CPED1: variants seen among roughly 807,000 people sequenced by gnomAD.
CPED1 encodes the protein cadherin like and PC-esterase domain containing 1.
A neutral mutation model predicts 128.2 loss-of-function variants in CPED1; 114 were observed. That is an observed-to-expected ratio of 0.89 (90% confidence interval 0.76 to 1.04). The LOEUF is 1.04. Among genes scored for constraint, CPED1 ranks in the 50% least tolerant of loss-of-function variants. The pLI, the probability that CPED1 is intolerant of heterozygous loss-of-function variation, is 0.00. For missense variants in CPED1, 1,211 were observed against 1,207.1 expected (o/e 1.00, Z -0.05); for synonymous variants, 462 against 426.7 (o/e 1.08, Z -1.02).
At chr7:121,085,536 T>C (rs1228524134) in intron 5 of CPED1, among the ~76,000 whole-genome samples, 1 of 152,184 alleles carries the variant, frequency 6.6e-6, no homozygotes, top group East Asian at 1.9e-4. Flanking sequence ...AAGTGGAGCC[T>C]GTGGAATACA....
chr7:121,075,603 C>T (rs1794104273), intron 5 of CPED1, among the ~76,000 whole-genome samples: 1 of 152,064 alleles, frequency 6.6e-6, no homozygotes, highest in Admixed American at 6.6e-5. Context: ...GCTGGGATTA[C>T]AGGCATGTGC....
chr7:121,092,378 TG>T (rs554409759), intron 5 of CPED1, among the ~76,000 whole-genome samples: 16 of 152,200 alleles, frequency 1.1e-4, no homozygotes, highest in Admixed American at 2.0e-4. Context: ...TCTGGTTATT[TG>T]GGTAAGAAGA....
chr7:121,151,343 G>A (rs546765940), intron 16 of CPED1, among the ~76,000 whole-genome samples: 1 of 152,256 alleles, frequency 6.6e-6, no homozygotes, highest in South Asian at 2.1e-4. Context: ...TACTAGCAGT[G>A]ACACACATAA....
intron 16 of CPED1, among the ~76,000 whole-genome samples, chr7:121,146,751 T>C (rs1563044876): frequency 6.6e-6 from 1 of 152,208 alleles, no homozygotes; most frequent in Admixed American, 6.6e-5. Flanking sequence ...GCCTGTATTT[T>C]AGTTATTTTT....
chr7:121,242,120 C>CCAA (rs921254639), intron 17 of CPED1, among the ~76,000 whole-genome samples: 9 of 152,140 alleles, frequency 5.9e-5, no homozygotes, highest in African/African-American at 1.9e-4. Flanking sequence ...CTCCAAAGCC[C>CCAA]CAACTCTTTA....
chr7:121,179,682 T>C (rs944202521), intron 16 of CPED1, among the ~76,000 whole-genome samples: 1 of 152,108 alleles, frequency 6.6e-6, no homozygotes, highest in Admixed American at 6.6e-5. Flanking sequence ...AACAGCTCAA[T>C]GGTAATGACT....
intron 18 of CPED1, among the ~76,000 whole-genome samples, chr7:121,252,334 C>A (rs1339992607): frequency 3.9e-5 from 6 of 152,000 alleles, no homozygotes; most frequent in African/African-American, 1.2e-4. Flanking sequence ...TAAAGACTTA[C>A]ATGTTAGACC....
chr7:121,098,246 ATC>A (rs1794749514), intron 6 of CPED1, among the ~76,000 whole-genome samples: 1 of 152,016 alleles, frequency 6.6e-6, no homozygotes, highest in Admixed American at 6.6e-5. Context: ...GTATCAAGTT[ATC>A]CAAGTTTTCT....
At chr7:121,115,570 C>A (rs1051844996) in intron 7 of CPED1, among the ~76,000 whole-genome samples, 2 of 152,132 alleles carry the variant, frequency 1.3e-5, no homozygotes, top group African/African-American at 4.8e-5. Context: ...TCCCTTTTTA[C>A]TTTCTTACTC....
intron 22 of CPED1, among the ~76,000 whole-genome samples, chr7:121,289,843 C>T (rs1792656378): frequency 6.6e-6 from 1 of 151,984 alleles, no homozygotes; most frequent in African/African-American, 2.4e-5. Flanking sequence ...TTCTGGGATA[C>T]ATATGCAGAA....
chr7:121,225,208 G>T (rs1320561939), intron 16 of CPED1, among the ~76,000 whole-genome samples: 2 of 152,048 alleles, frequency 1.3e-5, no homozygotes, highest in Admixed American at 1.3e-4. Context: ...GTCTGTAAAG[G>T]ATTTTATTTC....
chr7:121,008,272 T>C (rs1202879301), intron 2 of CPED1, among the ~76,000 whole-genome samples: 2 of 152,286 alleles, frequency 1.3e-5, no homozygotes, highest in African/African-American at 4.8e-5. Flanking sequence ...TATCAACCTT[T>C]AAATTCTCCA....
chr7:121,009,606 CAA>C (rs372071345), intron 2 of CPED1, among the ~76,000 whole-genome samples: 203 of 90,712 alleles, frequency 2.2e-3, no homozygotes, highest in African/African-American at 8.1e-3. Flanking sequence ...GCCCCTGTCT[CAA>C]AAAAAAAAAA....
intron 16 of CPED1, among the ~76,000 whole-genome samples, chr7:121,171,187 T>G (rs900404552): frequency 3.9e-5 from 6 of 152,204 alleles, no homozygotes; most frequent in African/African-American, 9.7e-5. Context: ...AATTTCTAAT[T>G]TACTCAGTAA....
intron 16 of CPED1, among the ~76,000 whole-genome samples, chr7:121,232,218 C>T (rs1798156132): frequency 6.6e-6 from 1 of 152,024 alleles, no homozygotes; most frequent in Non-Finnish European, 1.5e-5. Context: ...TTTTTCCATT[C>T]CCCCTCACCT....
At chr7:121,252,263 G>A (rs1798690415) in intron 18 of CPED1, among the ~76,000 whole-genome samples, 1 of 151,964 alleles carries the variant, frequency 6.6e-6, no homozygotes, top group Non-Finnish European at 1.5e-5. Context: ...CTAGCCATAT[G>A]TAGAAAGCTG....
rs531397331 is a variant in CPED1, at chr7:121,271,446, A to T, written c.2868+16A>T. ...TTTCCATGAGGTATTTATGCTGGCT[A>T]TCTGAGTTTTATAGCTTTTGATCTT... On this transcript the variant is annotated intron_variant, in intron 22 of 22. Transcript: ENST00000310396. The T allele has an allele frequency of 6.2e-7, 1 of 1,607,632 alleles. No homozygotes were observed. The highest frequency in any genetic ancestry group is 8.5e-7 in the Non-Finnish European group (1 of 1,176,554).
At chr7:121,274,924 C>A (rs1792302676) in intron 22 of CPED1, among the ~76,000 whole-genome samples, 1 of 152,044 alleles carries the variant, frequency 6.6e-6, no homozygotes, top group Non-Finnish European at 1.5e-5. Context: ...CTGCTGATAA[C>A]CTTTTTTTCA....
At chr7:121,067,255 C>T (rs1793854198) in intron 5 of CPED1, among the ~76,000 whole-genome samples, 1 of 151,302 alleles carries the variant, frequency 6.6e-6, no homozygotes, top group Admixed American at 6.6e-5. Flanking sequence ...CTAATGCTAT[C>T]CCTCCCCCAT....
Sources: allele counts gnomAD v4.1 joint callset (sites outside exome capture counted in the v4.1 genomes callset), GRCh38; gene constraint gnomAD v4.1.1; transcripts MANE v1.5; gene names NCBI Gene and HGNC (gene_info 2026-07-23, HGNC 2026-07-21).